MYO5B: variants seen among roughly 807,000 people sequenced by gnomAD.
The protein encoded by MYO5B is unconventional myosin-Vb.
Under a neutral mutation model 229.3 loss-of-function variants are expected in MYO5B, and 143 were observed. The ratio of observed to expected loss-of-function variants is 0.62; its 90% CI spans 0.54 to 0.72. The LOEUF (loss-of-function observed/expected upper bound fraction) is 0.72, where lower values mean the gene tolerates loss of function less well. Among genes scored for constraint, MYO5B ranks in the 30% least tolerant of loss-of-function variants. MYO5B has a pLI of 0.00. For synonymous variants in MYO5B, 918 were observed against 885.2 expected (o/e 1.04, Z -0.66); for missense variants, 2,321 against 2,331.0 (o/e 1.00, Z 0.09).
chr18:49,974,798 G>GACACACACACACAGACACAC (rs2025731071), intron 9 of MYO5B, among the ~76,000 whole-genome samples, 183 bp from the exon 10 acceptor site: 2 of 130,996 alleles, frequency 1.5e-5, no homozygotes, highest in African/African-American at 5.6e-5. Flanking sequence ...CACACACACA[G>GACACACACACACAGACACAC]ACACACACAC....
chr18:50,157,501 C>T (rs1249368663), intron 1 of MYO5B, among the ~76,000 whole-genome samples: 2 of 152,214 alleles, frequency 1.3e-5, no homozygotes, highest in Non-Finnish European at 2.9e-5. Flanking sequence ...GACCTTTCTT[C>T]CAGTTCCTCC....
At position 49,825,746 on chromosome 18, in the gene MYO5B, G is replaced by A. The variant is rs1598812565; in HGVS notation, c.*725C>T. 6.5e-6 allele frequency: 1 copy of A among 152,682 alleles called. No homozygotes were observed. Among genetic ancestry groups the A allele is most frequent in the East Asian group, 1.9e-4 (1 of 5,184 alleles). 9.5% of individuals were successfully genotyped at this position (152,682 alleles called of 1,614,324 possible). ...AAATATTTTTCCATCTTTCTCACTT[G>A]GAGTTTGGGATAGCAGCATTTTAAT... On this transcript the variant is annotated 3_prime_UTR_variant, in exon 40 of 40. Transcript: ENST00000285039.
At chr18:50,188,950 GA>G (rs752748223) in intron 1 of MYO5B, among the ~76,000 whole-genome samples, 6 of 152,200 alleles carry the variant, frequency 3.9e-5, no homozygotes, top group Non-Finnish European at 8.8e-5. Flanking sequence ...CCAACATGGT[GA>G]AGCAGGATCC....
intron 26 of MYO5B, among the ~76,000 whole-genome samples, chr18:49,873,034 A>G: frequency 6.6e-6 from 1 of 152,222 alleles, no homozygotes; most frequent in African/African-American, 2.4e-5. Context: ...CACCTTGCAG[A>G]GAGCTGCTTC....
At chr18:50,038,178 T>C (rs187177453) in intron 3 of MYO5B, among the ~76,000 whole-genome samples, 2 of 152,336 alleles carry the variant, frequency 1.3e-5, no homozygotes, top group Admixed American at 6.5e-5. Context: ...GCCTTTTTCT[T>C]TCCCATAAGG....
chr18:50,123,677 A>G (rs1206834875), intron 1 of MYO5B, among the ~76,000 whole-genome samples: 1 of 152,164 alleles, frequency 6.6e-6, no homozygotes, highest in Non-Finnish European at 1.5e-5. Context: ...ACTGCACTCC[A>G]GGCCTGGGTG....
chr18:49,986,313 G>A (rs2025870215), intron 7 of MYO5B, among the ~76,000 whole-genome samples: 1 of 152,134 alleles, frequency 6.6e-6, no homozygotes, highest in South Asian at 2.1e-4. Context: ...GCCATACTGA[G>A]CTTTGCCCAT....
chr18:49,892,927 T>A (rs2024732015), intron 22 of MYO5B, among the ~76,000 whole-genome samples: 1 of 152,198 alleles, frequency 6.6e-6, no homozygotes, highest in Non-Finnish European at 1.5e-5. Context: ...GCGTCCTTAA[T>A]TTTTTGTTAC....
chr18:49,902,442 G>T, intron 21 of MYO5B, 152 bp downstream of exon 21: 1 of 1,053,634 alleles, frequency 9.5e-7, no homozygotes, highest in Non-Finnish European at 1.4e-6. Context: ...TCACTGATCT[G>T]CCTGCCACAG....
chr18:50,180,789 T>C (rs1017228064), intron 1 of MYO5B, among the ~76,000 whole-genome samples: 6 of 152,228 alleles, frequency 3.9e-5, no homozygotes, highest in Admixed American at 3.3e-4. Context: ...GGTAACTGTC[T>C]TATTTCACTT....
At chr18:50,149,670 A>T (rs2032563253) in intron 1 of MYO5B, among the ~76,000 whole-genome samples, 2 of 150,992 alleles carry the variant, frequency 1.3e-5, no homozygotes. Context: ...CTTACACCTT[A>T]TACAAAAATC....
At chr18:50,191,334 G>C (rs1004552987) in intron 1 of MYO5B, among the ~76,000 whole-genome samples, 5 of 152,198 alleles carry the variant, frequency 3.3e-5, no homozygotes, top group African/African-American at 1.2e-4. Flanking sequence ...GTGCAGCCCA[G>C]CAGCCCTTAG....
intron 12 of MYO5B, among the ~76,000 whole-genome samples, chr18:49,959,135 C>A (rs531782049): frequency 2.2e-4 from 33 of 150,442 alleles, no homozygotes; most frequent in African/African-American, 7.5e-4. Flanking sequence ...CCTGGAACAC[C>A]CCCTCCTCAT....
intron 2 of MYO5B, among the ~76,000 whole-genome samples, chr18:50,047,559 A>G (rs1369769348): frequency 3.9e-5 from 6 of 152,340 alleles, no homozygotes; most frequent in Admixed American, 2.0e-4. Context: ...AGAACTAGAA[A>G]TACCACTTGA....
intron 1 of MYO5B, among the ~76,000 whole-genome samples, chr18:50,145,490 T>A (rs1599054958): frequency 1.4e-5 from 1 of 72,066 alleles, no homozygotes; most frequent in Non-Finnish European, 2.3e-5. Flanking sequence ...AGAGCAAGAC[T>A]CCATCTCAAA....
chr18:50,036,703 T>A (rs2026451931), intron 4 of MYO5B, 147 bp downstream of exon 4: 1 of 885,298 alleles, frequency 1.1e-6, no homozygotes, highest in African/African-American at 1.7e-5. Context: ...AGGTAGGCAG[T>A]AGAACTTGGG....
chr18:49,862,571 G>C (rs74378307), intron 29 of MYO5B, among the ~76,000 whole-genome samples: 1 of 152,216 alleles, frequency 6.6e-6, no homozygotes, highest in Non-Finnish European at 1.5e-5. Context: ...CACCTTCTCA[G>C]ACACTCTGCC....
chr18:49,947,778 C>T (rs768233309), intron 14 of MYO5B, among the ~76,000 whole-genome samples: 5 of 152,158 alleles, frequency 3.3e-5, no homozygotes, highest in African/African-American at 4.8e-5. Context: ...TAGGGACTGG[C>T]TTTGGTATTC....
chr18:49,846,484 G>A lies in MYO5B; in HGVS notation c.4459+662C>T, dbSNP rs114096155. Among the ~76,000 whole-genome samples, 933 of 152,246 alleles carry A rather than the reference G, an allele frequency of 6.1e-3. 4 individuals carry two copies. The highest frequency in any genetic ancestry group is 0.021 in the African/African-American group (872 of 41,532). On this transcript the variant is annotated intron_variant, in intron 33 of 39. Transcript: ENST00000285039. ...CACAAGAACACTGGTGAGTAGCACA[G>A]CCACGGCCATGTGCGGCTAGTTAGG...
Sources: gnomAD v4.1 joint callset for allele counts (sites outside exome capture counted in the v4.1 genomes callset) on GRCh38, gnomAD v4.1.1 for gene constraint, MANE v1.5 for transcripts, NCBI Gene and HGNC (gene_info 2026-07-23, HGNC 2026-07-21) for gene names.